Variants in TRIM33 observed in about 807,000 individuals in gnomAD.
TRIM33 encodes the protein tripartite motif containing 33, also known as E3 ubiquitin-protein ligase TRIM33.
A neutral mutation model predicts 125.4 loss-of-function variants in TRIM33; 20 were observed. The observed-to-expected ratio is 0.16, with a 90% CI of 0.11 to 0.23. The LOEUF (loss-of-function observed/expected upper bound fraction) is 0.23, where lower values mean the gene tolerates loss of function less well. Among genes scored for constraint, TRIM33 ranks in the 10% least tolerant of loss-of-function variants. The pLI, the probability that TRIM33 is intolerant of heterozygous loss-of-function variation, is 1.00. For synonymous variants in TRIM33, 564 were observed against 513.9 expected, an observed-to-expected ratio of 1.10 and a Z score of -1.32; for missense variants, 920 against 1,411.4, an observed-to-expected ratio of 0.65 and a Z score of 5.58.
chr1:114,435,312 G>A (rs1044960324), intron 4 of TRIM33, among the ~76,000 whole-genome samples: 1 of 152,208 alleles, frequency 6.6e-6, no homozygotes, highest in Non-Finnish European at 1.5e-5. Flanking sequence ...GAGATCAGCA[G>A]ATTTGAGAGG....
At chr1:114,481,110 T>C (rs140863369) in intron 1 of TRIM33, among the ~76,000 whole-genome samples, 310 of 151,578 alleles carry the variant, frequency 2.0e-3, no homozygotes, top group African/African-American at 7.1e-3. Context: ...GAGACGGAGG[T>C]TGCAATGAGC....
chr1:114,498,915 T>A (rs991356445), intron 1 of TRIM33, among the ~76,000 whole-genome samples: 6 of 151,002 alleles, frequency 4.0e-5, no homozygotes, highest in Non-Finnish European at 1.5e-5. Flanking sequence ...TAGAAACTTT[T>A]AGAAAAAAAA....
chr1:114,484,245 A>G (rs1271321300), intron 1 of TRIM33, among the ~76,000 whole-genome samples: 1 of 152,212 alleles, frequency 6.6e-6, no homozygotes, highest in Non-Finnish European at 1.5e-5. Context: ...ACAGACTTAA[A>G]TGAGTTATTT....
At chr1:114,401,608 A>G (rs1651897418) in intron 16 of TRIM33, 145 bp from the exon 17 acceptor site, 1 of 532,390 alleles carries the variant, frequency 1.9e-6, no homozygotes, top group Admixed American at 3.7e-5. Context: ...ACTAAACATA[A>G]ACACCCAAAG....
intron 1 of TRIM33, among the ~76,000 whole-genome samples, chr1:114,502,397 G>A (rs912443622): frequency 6.6e-6 from 1 of 152,162 alleles, no homozygotes; most frequent in Non-Finnish European, 1.5e-5. Flanking sequence ...GATGGGGTAT[G>A]ACCATCAAAT....
chr1:114,480,261 A>T (rs1321842976), intron 1 of TRIM33, among the ~76,000 whole-genome samples: 1 of 152,062 alleles, frequency 6.6e-6, no homozygotes, highest in African/African-American at 2.4e-5. Flanking sequence ...GTGCTTTGTT[A>T]AACAGATGCT....
At chr1:114,494,552 C>A (rs987532326) in intron 1 of TRIM33, among the ~76,000 whole-genome samples, 1 of 152,080 alleles carries the variant, frequency 6.6e-6, no homozygotes, top group African/African-American at 2.4e-5. Flanking sequence ...AGGATATATA[C>A]CTGACAAAAG....
At chr1:114,509,401 T>C (rs981444908) in intron 1 of TRIM33, among the ~76,000 whole-genome samples, 1 of 152,222 alleles carries the variant, frequency 6.6e-6, no homozygotes, top group African/African-American at 2.4e-5. Context: ...TGTTTCAATG[T>C]AGAAACATTA....
chr1:114,462,394 A>C (rs1284191582), intron 4 of TRIM33, among the ~76,000 whole-genome samples: 1 of 152,214 alleles, frequency 6.6e-6, no homozygotes, highest in Admixed American at 6.5e-5. Context: ...TTTTGGCAAT[A>C]GATTAATAAA....
intron 15 of TRIM33, among the ~76,000 whole-genome samples, chr1:114,403,891 T>C (rs1652063513): frequency 6.6e-6 from 1 of 152,030 alleles, no homozygotes; most frequent in Non-Finnish European, 1.5e-5. Context: ...CTCAAACTCC[T>C]AGCCTCAAGT....
At chr1:114,430,773 G>T (rs764256911) in intron 6 of TRIM33, 25 bp downstream of exon 6, 3 of 1,285,524 alleles carry the variant, frequency 2.3e-6, no homozygotes, top group Non-Finnish European at 3.4e-6. Flanking sequence ...AGCAGTTTTT[G>T]TTTTATTTTG....
rs1439552354 is a variant in TRIM33 at position 114,397,596 on chromosome 1, T to TG, written c.*51_*52insC. 9 of 1,134,502 alleles carry TG rather than the reference T, an allele frequency of 7.9e-6. No individual in the cohort carries two copies. Among genetic ancestry groups the TG allele is most frequent in the East Asian group, 5.2e-5 (2 of 38,414 alleles). The allele number at this position is 1,134,502 out of a possible 1,614,324, so 70.3% of individuals were successfully genotyped here. A position where few individuals can be genotyped will look rare whatever the true frequency, so the allele number is the denominator to read the frequency against. ...GTTTTCTGGGTTTTTTGTGTTTTTT[T>TG]TTTTTTTTTCGTTTTTTTTTTTTTA... On this transcript the variant is annotated 3_prime_UTR_variant, in exon 20 of 20. Transcript: ENST00000358465.
chr1:114,418,882 C>T (rs962706738), intron 11 of TRIM33, among the ~76,000 whole-genome samples: 3 of 152,014 alleles, frequency 2.0e-5, no homozygotes, highest in African/African-American at 7.3e-5. Context: ...AGCAAGCACC[C>T]ATTGCCTTAC....
chr1:114,506,329 G>A (rs910217649), intron 1 of TRIM33, among the ~76,000 whole-genome samples: 23 of 149,386 alleles, frequency 1.5e-4, no homozygotes, highest in African/African-American at 5.7e-4. Context: ...GTTGCAGTGA[G>A]CCGAGATCGC....
At chr1:114,465,016 C>T (rs577973927) in intron 1 of TRIM33, among the ~76,000 whole-genome samples, 19 of 152,314 alleles carry the variant, frequency 1.2e-4, no homozygotes, top group African/African-American at 4.6e-4. Flanking sequence ...AAACTGCTGG[C>T]CTCCATAATG....
chr1:114,445,101 C>T (rs1460435578), intron 4 of TRIM33, among the ~76,000 whole-genome samples: 3 of 152,168 alleles, frequency 2.0e-5, no homozygotes, highest in Non-Finnish European at 4.4e-5. Flanking sequence ...ACCATCAACA[C>T]ACATCAATAA....
At chr1:114,417,283 A>T (rs1160260432) in intron 11 of TRIM33, among the ~76,000 whole-genome samples, 1 of 152,208 alleles carries the variant, frequency 6.6e-6, no homozygotes, top group Non-Finnish European at 1.5e-5. Context: ...ATGGTTGTAC[A>T]ATCTTGTGAA....
chr1:114,405,523 T>C lies in TRIM33; in HGVS notation c.2655A>G (p.Pro885=). 6.2e-7 allele frequency: 1 copy of C among 1,614,240 alleles called. No individual in the cohort carries two copies. The highest frequency in any genetic ancestry group is 1.1e-5 in the South Asian group (1 of 91,086). ...GGCAGACAGCACACCAGTCTTCATT[T>C]GGGTCATCATCTTTATTGTTGCCAT... is the stretch of plus-strand genomic sequence containing the variant. ...GGDGNNKDDD[P]NEDWCAVCQN... Residue 885 remains proline, a synonymous_variant, in exon 15 of 20, where the codon CCA becomes CCG. Coordinates refer to ENST00000358465, the MANE Select transcript of TRIM33 (RefSeq NM_015906.4).
intron 11 of TRIM33, among the ~76,000 whole-genome samples, chr1:114,417,471 T>C (rs1653010284): frequency 6.6e-6 from 1 of 152,146 alleles, no homozygotes; most frequent in African/African-American, 2.4e-5. Context: ...AGTAAGTGCT[T>C]AGTAAAAACT....
Sources: gnomAD v4.1 joint callset for allele counts (sites outside exome capture counted in the v4.1 genomes callset) on GRCh38, gnomAD v4.1.1 for gene constraint, MANE v1.5 for transcripts, NCBI Gene and HGNC (gene_info 2026-07-23, HGNC 2026-07-21) for gene names.